RABGAP1L: variants seen among roughly 807,000 people sequenced by gnomAD.
The protein encoded by RABGAP1L is rab GTPase-activating protein 1-like.
In RABGAP1L, 63 loss-of-function variants were observed where a neutral mutation model predicts 137.7. The ratio of observed to expected loss-of-function variants is 0.46; its 90% CI spans 0.37 to 0.56. RABGAP1L has a LOEUF of 0.56. Ranked by LOEUF, RABGAP1L falls within the 20% of genes least tolerant of loss-of-function variation. The pLI is 0.00. For missense variants in RABGAP1L, 1,095 were observed against 1,244.0 expected (o/e 0.88, Z 1.80); for synonymous variants, 431 against 433.7 (o/e 0.99, Z 0.08).
chr1:174,317,450 C>T (rs1315543823), intron 11 of RABGAP1L, among the ~76,000 whole-genome samples: 3 of 152,078 alleles, frequency 2.0e-5, no homozygotes, highest in Non-Finnish European at 4.4e-5. Context: ...GGAGCTATGG[C>T]CTGGAATGGG....
Position 174,399,367 on chromosome 1 carries a change from C to T in RABGAP1L, c.1710+5222C>T, listed in dbSNP as rs144787385. On this transcript the variant is annotated intron_variant, in intron 13 of 25. Coordinates refer to ENST00000681986, the MANE Select transcript of RABGAP1L (RefSeq NM_001366446.1). Reference sequence around the variant, plus strand: ...CAAGAGTATTTTCTGTAAGAAGTGCCTGCATATTTGGCACTTGTTGGTCAT... The same window carrying T: ...CAAGAGTATTTTCTGTAAGAAGTGCTTGCATATTTGGCACTTGTTGGTCAT... 3.7e-3 allele frequency among the ~76,000 whole-genome samples: 556 copies of T among 152,160 alleles called. 7 individuals carry two copies. The highest frequency in any genetic ancestry group is 0.012 in the South Asian group (59 of 4,810).
chr1:174,953,776 G>A (rs1014770133), intron 19 of RABGAP1L, among the ~76,000 whole-genome samples: 7 of 152,266 alleles, frequency 4.6e-5, no homozygotes, highest in Middle Eastern at 6.8e-3. Flanking sequence ...CGGTCAGAGC[G>A]GTGGGGAAAA....
chr1:174,336,032 G>A (rs1349637015), intron 11 of RABGAP1L, among the ~76,000 whole-genome samples: 1 of 152,090 alleles, frequency 6.6e-6, no homozygotes, highest in East Asian at 1.9e-4. Context: ...TGTTGTTTTT[G>A]TGTTTGTATT....
intron 1 of RABGAP1L, among the ~76,000 whole-genome samples, chr1:174,177,672 G>C (rs1392695526): frequency 3.3e-5 from 5 of 152,150 alleles, no homozygotes; most frequent in African/African-American, 1.2e-4. Context: ...GTGTAAGGAA[G>C]GGGTCCAGTT....
At chr1:174,852,031 G>A (rs1372465923) in intron 19 of RABGAP1L, among the ~76,000 whole-genome samples, 2 of 152,014 alleles carry the variant, frequency 1.3e-5, no homozygotes, top group African/African-American at 4.8e-5. Context: ...ACTGAATAAA[G>A]GTAGTTTACC....
At chr1:174,162,098 C>T (rs887638732) in intron 1 of RABGAP1L, among the ~76,000 whole-genome samples, 19 of 149,922 alleles carry the variant, frequency 1.3e-4, no homozygotes, top group African/African-American at 4.2e-4. Context: ...TTGCGATGTT[C>T]TGAGAATTTT....
intron 18 of RABGAP1L, among the ~76,000 whole-genome samples, chr1:174,757,987 C>T (rs1793306): frequency 1 from 150,560 of 150,566 alleles, 75,277 homozygotes; most frequent in Middle Eastern, 1. Flanking sequence ...TGCACCATTG[C>T]ACTCCAGCCT....
intron 13 of RABGAP1L, among the ~76,000 whole-genome samples, chr1:174,571,583 AT>A (rs1201207468): frequency 1.4e-4 from 22 of 151,986 alleles, no homozygotes; most frequent in African/African-American, 4.4e-4. Context: ...AAATAAAAAA[AT>A]TTTTAAAATA....
intron 18 of RABGAP1L, among the ~76,000 whole-genome samples, chr1:174,763,589 T>A (rs1468855611): frequency 7.7e-6 from 1 of 129,702 alleles, no homozygotes; most frequent in African/African-American, 2.9e-5. Context: ...AGGCGGAGCT[T>A]GCAGTGAGCC....
intron 13 of RABGAP1L, among the ~76,000 whole-genome samples, chr1:174,600,485 G>A (rs142963936): frequency 0.023 from 3,441 of 152,260 alleles, 60 homozygotes; most frequent in Middle Eastern, 0.085. Context: ...AAAATCAAAA[G>A]CAAGCTAGTT....
intron 12 of RABGAP1L, among the ~76,000 whole-genome samples, chr1:174,387,834 CAT>C (rs553803989): frequency 3.3e-5 from 5 of 151,990 alleles, no homozygotes; most frequent in Non-Finnish European, 7.4e-5. Flanking sequence ...AAAAAACTAA[CAT>C]AATTGATTCT....
chr1:174,299,022 C>T (rs1032308434), intron 10 of RABGAP1L, among the ~76,000 whole-genome samples: 10 of 152,184 alleles, frequency 6.6e-5, no homozygotes, highest in East Asian at 5.8e-4. Context: ...AGTTTTGAAA[C>T]GTGATTTCTC....
Position 174,360,372 on chromosome 1 carries a change from G to T in RABGAP1L, c.1466-10607G>T, listed in dbSNP as rs193256102. Among the ~76,000 whole-genome samples the T allele has an allele frequency of 6.7e-3, 1,015 of 152,220 alleles. 8 individuals carry two copies. The highest frequency in any genetic ancestry group is 0.013 in the South Asian group (64 of 4,818). On this transcript the variant is annotated intron_variant, in intron 11 of 25. Transcript: ENST00000681986. ...AGTGCTTGCTATGTGATAAGATACT[G>T]TTGGAGGTACTGAAACATAATTGCT...
chr1:174,363,754 A>T (rs921562816), intron 11 of RABGAP1L, among the ~76,000 whole-genome samples: 1 of 151,934 alleles, frequency 6.6e-6, no homozygotes, highest in Non-Finnish European at 1.5e-5. Flanking sequence ...TTTTATTATG[A>T]AGGAATGATG....
chr1:174,939,329 G>A (rs1390270722), intron 19 of RABGAP1L, among the ~76,000 whole-genome samples: 1 of 152,144 alleles, frequency 6.6e-6, no homozygotes, highest in Non-Finnish European at 1.5e-5. Flanking sequence ...ACTGAGGCAG[G>A]CAAATCACTT....
In RABGAP1L at chr1:174,866,110, GGAGAGAGAGAGAGA is replaced by G. The variant is rs34712612; in HGVS notation, c.2340+54191_2340+54204del. ...GAGAGGAGGGGAGAGGGAGGGAGGG[GGAGAGAGAGAGAGA>G]GAGAGAGAGAGAGAGAGAGAGAGAG... On this transcript the variant is annotated intron_variant, in intron 19 of 25. Transcript: ENST00000681986. 5.1e-3 allele frequency among the ~76,000 whole-genome samples: 334 copies of G among 65,820 alleles called. 3 individuals are homozygous for G. Among genetic ancestry groups the G allele is most frequent in the African/African-American group, 0.013 (222 of 17,354 alleles). 43.2% of individuals were successfully genotyped at this position (65,820 alleles called of 152,430 possible).
intron 13 of RABGAP1L, among the ~76,000 whole-genome samples, chr1:174,633,190 G>A (rs1049929654): frequency 6.0e-5 from 9 of 149,548 alleles, no homozygotes; most frequent in African/African-American, 2.2e-4. Context: ...CAAAGTCTCA[G>A]GATACAAAAT....
At chr1:174,373,717 G>A (rs1200287358) in intron 12 of RABGAP1L, among the ~76,000 whole-genome samples, 1 of 152,158 alleles carries the variant, frequency 6.6e-6, no homozygotes, top group African/African-American at 2.4e-5. Context: ...AGCTGGTGCT[G>A]GCAATGGAAT....
chr1:174,642,687 T>C (rs1421170618), intron 14 of RABGAP1L, among the ~76,000 whole-genome samples: 1 of 138,480 alleles, frequency 7.2e-6, no homozygotes, highest in Non-Finnish European at 1.6e-5. Context: ...CTCCTCTCCT[T>C]TCTCTGTCTC....
Sources: allele counts gnomAD v4.1 joint callset (sites outside exome capture counted in the v4.1 genomes callset), GRCh38; gene constraint gnomAD v4.1.1; transcripts MANE v1.5; gene names NCBI Gene and HGNC (gene_info 2026-07-23, HGNC 2026-07-21).